Variants in TRIM33 observed in about 807,000 individuals in gnomAD.
TRIM33 encodes the protein tripartite motif containing 33.
In TRIM33, 20 loss-of-function variants were observed where a neutral mutation model predicts 125.4. That is an observed-to-expected ratio of 0.16 (90% confidence interval 0.11 to 0.23). The LOEUF is 0.23. Among genes scored for constraint, TRIM33 ranks in the 10% least tolerant of loss-of-function variants. The pLI, the probability that TRIM33 is intolerant of heterozygous loss-of-function variation, is 1.00. For missense variants in TRIM33, 920 were observed against 1,411.4 expected (o/e 0.65, Z 5.58); for synonymous variants, 564 against 513.9 (o/e 1.10, Z -1.32).
chr1:114,439,767 A>G (rs763040659), intron 4 of TRIM33, among the ~76,000 whole-genome samples: 17 of 152,178 alleles, frequency 1.1e-4, no homozygotes, highest in Non-Finnish European at 5.9e-5. Context: ...GTTTAAAACC[A>G]GTGATAAAGA....
At chr1:114,456,928 T>C (rs1649662310) in intron 4 of TRIM33, among the ~76,000 whole-genome samples, 1 of 152,086 alleles carries the variant, frequency 6.6e-6, no homozygotes, top group South Asian at 2.1e-4. Context: ...CATGCCTAAA[T>C]GGTGAAAAAA....
chr1:114,440,054 T>A (rs1648560089), intron 4 of TRIM33, among the ~76,000 whole-genome samples: 1 of 152,016 alleles, frequency 6.6e-6, no homozygotes. Flanking sequence ...AAAGCAGAGA[T>A]CCAAAAGTGT....
At chr1:114,419,498 G>A (rs960383588) in intron 11 of TRIM33, among the ~76,000 whole-genome samples, 2 of 152,104 alleles carry the variant, frequency 1.3e-5, no homozygotes, top group African/African-American at 4.8e-5. Flanking sequence ...TATATTGCCT[G>A]TGAAAGCGCT....
intron 1 of TRIM33, among the ~76,000 whole-genome samples, 188 bp from the exon 2 acceptor site, chr1:114,464,576 C>T (rs1650176178): frequency 6.6e-6 from 1 of 152,112 alleles, no homozygotes; most frequent in South Asian, 2.1e-4. Context: ...AAAGAAAAAA[C>T]AAGCATTATG....
intron 1 of TRIM33, among the ~76,000 whole-genome samples, chr1:114,481,321 T>A (rs1557891860): frequency 6.6e-6 from 1 of 152,192 alleles, no homozygotes; most frequent in Non-Finnish European, 1.5e-5. Context: ...AGGCCAGATG[T>A]GGTGGCTCAC....
At chr1:114,421,012 G>A (rs777844701) in intron 11 of TRIM33, among the ~76,000 whole-genome samples, 1 of 151,946 alleles carries the variant, frequency 6.6e-6, no homozygotes, top group Non-Finnish European at 1.5e-5. Context: ...TTTTAATGTG[G>A]TAGACATATA....
intron 4 of TRIM33, among the ~76,000 whole-genome samples, chr1:114,434,766 A>AAG (rs1557863580): frequency 6.6e-6 from 1 of 152,244 alleles, no homozygotes. Flanking sequence ...ATACTGTGAC[A>AAG]AGAGATATAA....
chr1:114,500,984 A>T lies in TRIM33; in HGVS notation c.526+9567T>A, dbSNP rs910706927. 3.2e-5 allele frequency among the ~76,000 whole-genome samples: 4 copies of T among 126,336 alleles called. 1 individual carries two copies. The highest frequency in any genetic ancestry group is 9.8e-5 in the African/African-American group (3 of 30,606). The allele number at this position is 126,336 out of a possible 152,430, so 82.9% of individuals were successfully genotyped here. A position where few individuals can be genotyped will look rare whatever the true frequency, so the allele number is the denominator to read the frequency against. On this transcript the variant is annotated intron_variant, in intron 1 of 19. Transcript: ENST00000358465. ...GGCGGGCGGATCACGAGGTCAGGAG[A>T]TCGAGACCATCCCGGCTAACACGGT...
intron 11 of TRIM33, among the ~76,000 whole-genome samples, chr1:114,412,738 G>T (rs1652673470): frequency 6.6e-6 from 1 of 151,758 alleles, no homozygotes; most frequent in African/African-American, 2.4e-5. Context: ...CACACAATTT[G>T]TTTATCCATT....
chr1:114,490,541 A>G (rs1652001609), intron 1 of TRIM33, among the ~76,000 whole-genome samples: 1 of 152,206 alleles, frequency 6.6e-6, no homozygotes, highest in Non-Finnish European at 1.5e-5. Context: ...TCAAGTATAC[A>G]CCCAAGAGAA....
At chr1:114,436,343 A>C (rs1377454782) in intron 4 of TRIM33, among the ~76,000 whole-genome samples, 2 of 141,472 alleles carry the variant, frequency 1.4e-5, no homozygotes, top group African/African-American at 5.3e-5. Flanking sequence ...CGAAGATTGC[A>C]GTGAGCCAAG....
At position 114,427,868 on chromosome 1, in the gene TRIM33, C is replaced by T. The variant is rs755846881; in HGVS notation, c.1182G>A (p.Lys394=). The T allele has an allele frequency of 2.8e-5, 45 of 1,613,944 alleles. No individual in the cohort carries two copies. Among genetic ancestry groups the T allele is most frequent in the Non-Finnish European group, 3.8e-5 (45 of 1,179,972 alleles). ...TGATGTCATTCTGCTGCTGTAGTAA[C>T]TTCATCTGTCTTTCCTTTGTAACAT... ...LENVTKERQM[K]LLQQQNDITG... is the part of the protein sequence containing the mutation. The change falls in exon 7 of 20, where the codon AAG becomes AAA. Residue 394 remains lysine (K), a synonymous_variant. Transcript: ENST00000358465.
chr1:114,488,569 GC>G (rs1175230705), intron 1 of TRIM33, among the ~76,000 whole-genome samples: 1 of 152,090 alleles, frequency 6.6e-6, no homozygotes, highest in African/African-American at 2.4e-5. Context: ...TTCAAGACCA[GC>G]CTGGGCAACA....
At chr1:114,404,618 A>G (rs1325049590) in intron 15 of TRIM33, 2 of 152,192 alleles carry the variant, frequency 1.3e-5, no homozygotes, top group African/African-American at 2.4e-5. Flanking sequence ...AAGAAAAAGA[A>G]GGCCCTTATT....
At chr1:114,506,429 CAAT>C (rs1339146906) in intron 1 of TRIM33, among the ~76,000 whole-genome samples, 1 of 151,076 alleles carries the variant, frequency 6.6e-6, no homozygotes, top group African/African-American at 2.4e-5. Context: ...AACTTAATAC[CAAT>C]TCATTTCTTC....
In TRIM33 at chr1:114,399,365, A is replaced by T. The variant is rs976319930; in HGVS notation, c.3120+92T>A. The T allele has an allele frequency of 1.4e-4, 182 of 1,342,270 alleles. No homozygotes were observed. The African/African-American group carries it at 1.7e-3, about 13-fold the overall frequency. 83.1% of individuals were successfully genotyped at this position (1,342,270 alleles called of 1,614,324 possible). ...TGACAGGACTTTAGCAGAAAAAAAA[A>T]TTTTAATAAAATTAAAGTCAGCAGA... is the stretch of plus-strand genomic sequence containing the variant. On this transcript the variant is annotated intron_variant, in intron 18 of 19. Transcript: ENST00000358465.
At chr1:114,414,197 TTC>T (rs1262628002) in intron 11 of TRIM33, among the ~76,000 whole-genome samples, 2 of 152,292 alleles carry the variant, frequency 1.3e-5, no homozygotes, top group Admixed American at 6.5e-5. Context: ...TTTTTCCTTT[TTC>T]TTTTTTAAAA....
chr1:114,418,397 A>ATC (rs1653068182), intron 11 of TRIM33, among the ~76,000 whole-genome samples: 1 of 152,192 alleles, frequency 6.6e-6, no homozygotes, highest in Admixed American at 6.5e-5. Context: ...GTCGGGGAGG[A>ATC]TCTGATCTAG....
chr1:114,411,032 G>C (rs1572019688), intron 11 of TRIM33, among the ~76,000 whole-genome samples: 2 of 152,054 alleles, frequency 1.3e-5, no homozygotes, highest in African/African-American at 4.8e-5. Flanking sequence ...AAAAGAAATG[G>C]TCATATTCTT....
Sources: gnomAD v4.1 joint callset for allele counts (sites outside exome capture counted in the v4.1 genomes callset) on GRCh38, gnomAD v4.1.1 for gene constraint, MANE v1.5 for transcripts, NCBI Gene and HGNC (gene_info 2026-07-23, HGNC 2026-07-21) for gene names.